The following ATP8B1 variants were observed in gnomAD, a reference collection of about 807,000 sequenced individuals.
The protein encoded by ATP8B1 is ATPase phospholipid transporting 8B1, also known as phospholipid-transporting ATPase IC.
In ATP8B1, 80 loss-of-function variants were observed where a neutral mutation model predicts 149.9. That is an observed-to-expected ratio of 0.53 (90% CI 0.45 to 0.64). The LOEUF is 0.64. Ranked by LOEUF, ATP8B1 falls within the 30% of genes least tolerant of loss-of-function variation. The pLI is 0.00. For synonymous variants in ATP8B1, 536 were observed against 562.8 expected, an observed-to-expected ratio of 0.95 and a Z score of 0.67; for missense variants, 1,247 against 1,552.6, an observed-to-expected ratio of 0.80 and a Z score of 3.31.
At chr18:57,756,192 CAT>C (rs147263393) in intron 1 of ATP8B1, among the ~76,000 whole-genome samples, 1,736 of 84,672 alleles carry the variant, frequency 0.021, 122 homozygotes, top group African/African-American at 0.071. Flanking sequence ...ATTTCCACAA[CAT>C]ATATATATAT....
rs762763619 is a variant in ATP8B1 at position 57,669,417 on chromosome 18, A to G, written c.1998T>C (p.Phe666=). 2 of 1,613,566 alleles carry G rather than the reference A, an allele frequency of 1.2e-6. No homozygotes were observed. Among genetic ancestry groups the G allele is most frequent in the African/African-American group, 2.7e-5 (2 of 74,916 alleles). The change falls in exon 18 of 28, where the codon TTT becomes TTC. Residue 666 remains phenylalanine (F), a synonymous_variant. Transcript: ENST00000648908. ...CCATAAACTTTTTATTCCATTCTGT[A>G]AATTCTTTTTCTTCAATTTCCTTGT... ...LCYKEIEEKE[F]TEWNKKFMAA... is the part of the protein sequence containing the mutation.
chr18:57,795,876 T>TA (rs112695967), intron 1 of ATP8B1, among the ~76,000 whole-genome samples: 22,115 of 132,970 alleles, frequency 0.17, 2,171 homozygotes, highest in East Asian at 0.44. Flanking sequence ...ATTTTACATT[T>TA]AAAAAAAAAA....
At position 57,752,406 on chromosome 18, in the gene ATP8B1, T is replaced by C. The variant is rs191512992; in HGVS notation, c.-25-20574A>G. On this transcript the variant is annotated intron_variant, in intron 1 of 27. Coordinates refer to ENST00000648908, the MANE Select transcript of ATP8B1 (RefSeq NM_001374385.1). ...TGCAGAAGCTTGGGAAAAATATTCT[T>C]AGTAAGCTCCTACTTCTCCATTTAT... Among the ~76,000 whole-genome samples, 8 of 152,134 alleles carry C rather than the reference T, an allele frequency of 5.3e-5. No individual in the cohort carries two copies. The East Asian group carries it at 1.5e-3, about 29-fold the overall frequency.
At chr18:57,718,014 GGGA>G (rs1568209807) in intron 2 of ATP8B1, among the ~76,000 whole-genome samples, 1 of 150,672 alleles carries the variant, frequency 6.6e-6, no homozygotes, top group Non-Finnish European at 1.5e-5. Flanking sequence ...CCAAAGTGCT[GGGA>G]TTACAGGTGT....
intron 22 of ATP8B1, among the ~76,000 whole-genome samples, chr18:57,656,640 G>A (rs375743286): frequency 6.6e-6 from 1 of 151,670 alleles, no homozygotes; most frequent in South Asian, 2.1e-4. Flanking sequence ...GCCTCCCAAA[G>A]TGCTAGGATT....
chr18:57,666,538 T>G (rs1280453163), intron 20 of ATP8B1, among the ~76,000 whole-genome samples: 1 of 151,922 alleles, frequency 6.6e-6, no homozygotes, highest in African/African-American at 2.4e-5. Context: ...ACCGAGTTTT[T>G]TTTTTTTTTT....
intron 1 of ATP8B1, among the ~76,000 whole-genome samples, chr18:57,781,193 C>A (rs928446791): frequency 6.6e-6 from 1 of 152,218 alleles, no homozygotes; most frequent in Non-Finnish European, 1.5e-5. Context: ...GGAACTTCTA[C>A]TTCTTCAAAG....
chr18:57,771,124 G>A (rs1173188197), intron 1 of ATP8B1, among the ~76,000 whole-genome samples: 1 of 152,212 alleles, frequency 6.6e-6, no homozygotes, highest in Non-Finnish European at 1.5e-5. Context: ...GCCTCCCAAA[G>A]TGCTGGAATT....
intron 12 of ATP8B1, among the ~76,000 whole-genome samples, chr18:57,690,982 C>T (rs1912498532): frequency 1.3e-5 from 2 of 152,066 alleles, no homozygotes; most frequent in Admixed American, 6.6e-5. Flanking sequence ...GAAGACCAGC[C>T]TGGCCAACTT....
chr18:57,795,064 A>G (rs995465487), intron 1 of ATP8B1, among the ~76,000 whole-genome samples: 1 of 152,174 alleles, frequency 6.6e-6, no homozygotes, highest in African/African-American at 2.4e-5. Flanking sequence ...ATGAACAAAC[A>G]GATATGTGTA....
At position 57,656,730 on chromosome 18, in the gene ATP8B1, TGGGGAGAGAGGGGTGGGGA is replaced by T. The variant is rs1910024294; in HGVS notation, c.2708-1332_2708-1314del. Among the ~76,000 whole-genome samples the T allele has an allele frequency of 2.6e-5, 2 of 75,850 alleles. 1 individual carries two copies. Among genetic ancestry groups the T allele is most frequent in the Admixed American group, 3.6e-4 (2 of 5,566 alleles). The allele number at this position is 75,850 out of a possible 152,430, so 49.8% of individuals were successfully genotyped here. A position where few individuals can be genotyped will look rare whatever the true frequency, so the allele number is the denominator to read the frequency against. On this transcript the variant is annotated intron_variant, in intron 22 of 27. Transcript: ENST00000648908. ...TCTAAGGGGCAGAGAAATAAAGTAGTGGGGAGAGAGGGGTGGGGAGGAGGGAGAGAATGGAGGGAGAGAA... is the reference window on the plus strand; with the variant it reads ...TCTAAGGGGCAGAGAAATAAAGTAGTGGAGGGAGAGAATGGAGGGAGAGAA...
intron 18 of ATP8B1, chr18:57,668,788 C>CA (rs1326293433): frequency 4.1e-5 from 19 of 458,276 alleles, no homozygotes; most frequent in African/African-American, 3.6e-4. Flanking sequence ...AATGCAAGTA[C>CA]AAAATCAAGG....
intron 1 of ATP8B1, among the ~76,000 whole-genome samples, chr18:57,754,449 T>A (rs201304734): frequency 0.016 from 2,361 of 147,840 alleles, 21 homozygotes; most frequent in African/African-American, 0.027. Context: ...CAAAAAAATA[T>A]ATATATATAT....
intron 2 of ATP8B1, among the ~76,000 whole-genome samples, chr18:57,728,888 T>A (rs1431353303): frequency 6.6e-6 from 1 of 151,710 alleles, no homozygotes; most frequent in Non-Finnish European, 1.5e-5. Flanking sequence ...CCGGGCTAAT[T>A]TTTGTATTTT....
At chr18:57,778,178 T>G (rs568578591) in intron 1 of ATP8B1, among the ~76,000 whole-genome samples, 1 of 152,248 alleles carries the variant, frequency 6.6e-6, no homozygotes, top group Admixed American at 6.5e-5. Flanking sequence ...ACCCCCAAAT[T>G]TAGCAGTTTG....
At chr18:57,798,640 G>A (rs1293649742) in intron 1 of ATP8B1, among the ~76,000 whole-genome samples, 1 of 152,066 alleles carries the variant, frequency 6.6e-6, no homozygotes, top group East Asian at 1.9e-4. Context: ...ACAGGAGCGT[G>A]GAGGATGAGG....
rs756052859 is a variant in ATP8B1, at chr18:57,654,025, G to A, written c.2982C>T (p.Ser994=). 5.0e-6 allele frequency: 8 copies of A among 1,613,962 alleles called. No homozygotes were observed. In the East Asian group the frequency reaches 1.6e-4, roughly 31 times the overall value. ...FITLYNVLYT[S]LPVLLMGLLD... ...GCAGCCCCATGAGGAGCACGGGCAG[G>A]CTGGTGTACAGCACGTTGTAGAGGG... Residue 994 remains serine, a synonymous_variant, in exon 24 of 28, where the codon AGC becomes AGT. Transcript: ENST00000648908.
chr18:57,728,506 G>A (rs923686955), intron 2 of ATP8B1, among the ~76,000 whole-genome samples: 24 of 152,084 alleles, frequency 1.6e-4, no homozygotes, highest in African/African-American at 5.8e-4. Flanking sequence ...CTGTGAGGGA[G>A]GCAGGGCACA....
intron 1 of ATP8B1, among the ~76,000 whole-genome samples, chr18:57,769,521 A>G (rs1439110692): frequency 1.3e-5 from 2 of 152,212 alleles, no homozygotes; most frequent in Non-Finnish European, 2.9e-5. Flanking sequence ...TGCTGGGGTA[A>G]AGCAAGAAAC....
Sources: allele counts gnomAD v4.1 joint callset (sites outside exome capture counted in the v4.1 genomes callset), GRCh38; gene constraint gnomAD v4.1.1; transcripts MANE v1.5; gene names NCBI Gene and HGNC (gene_info 2026-07-23, HGNC 2026-07-21).